Variants in NUP155 observed in about 807,000 individuals in gnomAD.
NUP155 encodes the protein nuclear pore complex protein Nup155.
Under a neutral mutation model 180.4 loss-of-function variants are expected in NUP155, and 71 were observed. The ratio of observed to expected loss-of-function variants is 0.39; its 90% CI spans 0.33 to 0.48. The LOEUF (loss-of-function observed/expected upper bound fraction) is 0.48, where lower values mean the gene tolerates loss of function less well. NUP155 is among the 20% of genes least tolerant of loss of function. NUP155 has a pLI of 0.91. For missense variants in NUP155, 1,553 were observed against 1,648.9 expected, an observed-to-expected ratio of 0.94 and a Z score of 1.01; for synonymous variants, 582 against 559.5, an observed-to-expected ratio of 1.04 and a Z score of -0.57.
At chr5:37,370,101 T>G (rs944650802) in intron 1 of NUP155, among the ~76,000 whole-genome samples, 1 of 152,240 alleles carries the variant, frequency 6.6e-6, no homozygotes, top group African/African-American at 2.4e-5. Context: ...CCGGGTGCAG[T>G]GGCTTGCGCC....
intron 25 of NUP155, among the ~76,000 whole-genome samples, chr5:37,306,215 GC>G (rs1743145349): frequency 6.6e-6 from 1 of 151,790 alleles, no homozygotes; most frequent in Non-Finnish European, 1.5e-5. Context: ...ATATAGTGAG[GC>G]CCTGTCTCTA....
chr5:37,333,780 T>C (rs79937140), intron 12 of NUP155, 147 bp from the exon 13 acceptor site: 1 of 674,402 alleles, frequency 1.5e-6, no homozygotes, highest in South Asian at 1.9e-5. Flanking sequence ...TTCTACTATC[T>C]TTTTTTTAAA....
At chr5:37,348,459 T>C (rs1300800711) in intron 9 of NUP155, 46 bp downstream of exon 9, 2 of 1,161,960 alleles carry the variant, frequency 1.7e-6, no homozygotes, top group African/African-American at 1.5e-5. Context: ...ACAAATAGTA[T>C]AATTATGCCT....
chr5:37,295,249 G>C (rs1257281016), intron 32 of NUP155, among the ~76,000 whole-genome samples: 7 of 152,156 alleles, frequency 4.6e-5, no homozygotes, highest in Non-Finnish European at 1.0e-4. Flanking sequence ...GGGTTTTGCT[G>C]TGTTGGCCGG....
At chr5:37,295,199 G>A (rs1214867175) in intron 32 of NUP155, among the ~76,000 whole-genome samples, 1 of 152,204 alleles carries the variant, frequency 6.6e-6, no homozygotes, top group East Asian at 1.9e-4. Context: ...GGTGCGCGCC[G>A]CCACGCCTGA....
chr5:37,301,239 G>T (rs938172615), intron 30 of NUP155, 198 bp downstream of exon 30: 1 of 529,956 alleles, frequency 1.9e-6, no homozygotes, highest in African/African-American at 1.9e-5. Flanking sequence ...TACTGGCCTG[G>T]AAAGAGTAGC....
At chr5:37,314,782 C>A (rs897837648) in intron 21 of NUP155, among the ~76,000 whole-genome samples, 2 of 150,968 alleles carry the variant, frequency 1.3e-5, no homozygotes, top group South Asian at 2.1e-4. Context: ...GGAGCCTGGG[C>A]GACAGAGCAA....
chr5:37,304,955 T>G, intron 26 of NUP155, 102 bp downstream of exon 26: 1 of 1,524,962 alleles, frequency 6.6e-7, no homozygotes, highest in South Asian at 1.1e-5. Flanking sequence ...ACATGATAAC[T>G]TCTAAGAACT....
At chr5:37,304,965 T>C in intron 26 of NUP155, 92 bp downstream of exon 26, 1 of 1,538,590 alleles carries the variant, frequency 6.5e-7, no homozygotes, top group South Asian at 1.1e-5. Context: ...TTCTAAGAAC[T>C]ACCACCTTTC....
chr5:37,300,400 T>A (rs1433343674), intron 30 of NUP155, among the ~76,000 whole-genome samples: 1 of 152,182 alleles, frequency 6.6e-6, no homozygotes, highest in Non-Finnish European at 1.5e-5. Flanking sequence ...CCATTAACCA[T>A]CCCCACCTTC....
intron 24 of NUP155, among the ~76,000 whole-genome samples, chr5:37,307,661 G>A (rs373775478): frequency 4.6e-5 from 7 of 152,126 alleles, no homozygotes; most frequent in African/African-American, 1.7e-4. Flanking sequence ...GGTGGCTCAC[G>A]CCTGTAATCC....
intron 15 of NUP155, 55 bp downstream of exon 15, chr5:37,329,983 T>A (rs975966052): frequency 1.1e-5 from 14 of 1,242,890 alleles, no homozygotes; most frequent in African/African-American, 1.5e-5. Flanking sequence ...AAAATCATTT[T>A]AAAAAGTGGC....
At position 37,294,469 on chromosome 5, in the gene NUP155, G is replaced by A. The variant is rs776679253; in HGVS notation, c.3794-4C>T. ...TCTAAAAACTGTACAATAAAATCTG[G>A]GAAGAAAAAAAAAGATCGGAAATTT... is the stretch of plus-strand genomic sequence containing the variant. On this transcript the variant is annotated splice_region_variant and splice_polypyrimidine_tract_variant and intron_variant, in intron 32 of 34. Coordinates refer to ENST00000231498, the MANE Select transcript of NUP155 (RefSeq NM_153485.3). The A allele has an allele frequency of 2.4e-5, 38 of 1,612,504 alleles. No individual in the cohort carries two copies. Among genetic ancestry groups the A allele is most frequent in the Middle Eastern group, 1.6e-4 (1 of 6,076 alleles).
At chr5:37,323,163 T>C (rs565016620) in intron 20 of NUP155, among the ~76,000 whole-genome samples, 74 of 151,320 alleles carry the variant, frequency 4.9e-4, no homozygotes, top group Non-Finnish European at 9.0e-4. Context: ...TGCACATCTG[T>C]AATCTAAGCT....
In NUP155 at chr5:37,289,727, A is replaced by G. The variant is rs1018279908; in HGVS notation, c.*2173T>C. The G allele has an allele frequency of 6.6e-6, 1 of 152,232 alleles. No individual in the cohort carries two copies. 9.4% of individuals were successfully genotyped at this position (152,232 alleles called of 1,614,324 possible). On this transcript the variant is annotated 3_prime_UTR_variant, in exon 35 of 35. Transcript: ENST00000231498. ...TTTCAATGTTGTGAGCTGAGTATAT[A>G]TAACAACATATTGCTAGTATGTAAA...
chr5:37,293,804 C>G (rs1742360255), intron 33 of NUP155, among the ~76,000 whole-genome samples: 1 of 79,944 alleles, frequency 1.3e-5, no homozygotes, highest in South Asian at 3.3e-4. Context: ...TCGAGACCAT[C>G]CTGGCTAACA....
intron 34 of NUP155, 67 bp from the exon 35 acceptor site, chr5:37,292,105 C>A: frequency 6.7e-7 from 1 of 1,492,686 alleles, no homozygotes; most frequent in East Asian, 2.3e-5. Context: ...GACTTCTTCC[C>A]CACCAACTTC....
intron 14 of NUP155, among the ~76,000 whole-genome samples, chr5:37,330,333 A>AG (rs1052919668): frequency 6.6e-5 from 10 of 152,222 alleles, no homozygotes; most frequent in Non-Finnish European, 1.3e-4. Context: ...CTAGGATTAC[A>AG]GGATGTTCTC....
At chr5:37,354,965 G>A (rs977063195) in intron 4 of NUP155, among the ~76,000 whole-genome samples, 9 of 151,702 alleles carry the variant, frequency 5.9e-5, no homozygotes, top group Admixed American at 3.3e-4. Flanking sequence ...GCTGGCGGGC[G>A]CCTGTAATCC....
Sources: allele counts gnomAD v4.1 joint callset (sites outside exome capture counted in the v4.1 genomes callset), GRCh38; gene constraint gnomAD v4.1.1; transcripts MANE v1.5; gene names NCBI Gene and HGNC (gene_info 2026-07-23, HGNC 2026-07-21).